Variants in COPZ1 observed in about 807,000 individuals in gnomAD.
COPZ1 encodes the protein coat protein complex I subunit zeta 1.
A neutral mutation model predicts 31.7 loss-of-function variants in COPZ1; 4 were observed. The observed-to-expected ratio is 0.13, with a 90% CI of 0.06 to 0.29. The LOEUF (loss-of-function observed/expected upper bound fraction) is 0.29. Ranked by LOEUF, COPZ1 falls within the 10% of genes least tolerant of loss-of-function variation. COPZ1 has a pLI of 1.00. For missense variants in COPZ1, 156 were observed against 211.5 expected (o/e 0.74, Z 1.63); for synonymous variants, 74 against 79.0 (o/e 0.94, Z 0.33).
At chr12:54,325,984 ATT>A (rs1281479427) in intron 1 of COPZ1, among the ~76,000 whole-genome samples, 1 of 146,484 alleles carries the variant, frequency 6.8e-6, no homozygotes, top group Non-Finnish European at 1.5e-5. Flanking sequence ...ACGCCCGGCT[ATT>A]TTTTTTGTAT....
chr12:54,337,155 A>G (rs1301356627), intron 1 of COPZ1: 2 of 532,316 alleles, frequency 3.8e-6, no homozygotes, highest in Non-Finnish European at 7.7e-6. Flanking sequence ...AAACATAAAT[A>G]CATGAAAATC....
chr12:54,346,636 A>T, intron 5 of COPZ1: 1 of 701,782 alleles, frequency 1.4e-6, no homozygotes, highest in Non-Finnish European at 2.6e-6. Flanking sequence ...AGGCAGGAGG[A>T]CTGCATGAGT....
intron 1 of COPZ1, among the ~76,000 whole-genome samples, chr12:54,334,545 G>A (rs927392902): frequency 1.3e-5 from 2 of 151,642 alleles, no homozygotes; most frequent in Non-Finnish European, 2.9e-5. Flanking sequence ...CCCCAGAGGA[G>A]CTTTTAATTT....
At chr12:54,327,835 T>A (rs1178256926) in intron 1 of COPZ1, among the ~76,000 whole-genome samples, 4 of 152,184 alleles carry the variant, frequency 2.6e-5, no homozygotes, top group Non-Finnish European at 4.4e-5. Context: ...GGGAATTGGT[T>A]TTTTTGGAAG....
At chr12:54,342,181 C>A (rs971447854) in intron 2 of COPZ1, 25 bp from the exon 3 acceptor site, 2 of 1,574,802 alleles carry the variant, frequency 1.3e-6, no homozygotes, top group Admixed American at 1.7e-5. Context: ...AGTGACCCAA[C>A]CCTGTCTTCT....
At chr12:54,343,434 A>C in intron 4 of COPZ1, 118 bp downstream of exon 4, 1 of 807,286 alleles carries the variant, frequency 1.2e-6, no homozygotes, top group South Asian at 1.6e-5. Context: ...TGACCAAGCT[A>C]ATGAAGTTGT....
intron 8 of COPZ1, chr12:54,350,183 C>G (rs952314303): frequency 1.7e-4 from 116 of 684,892 alleles, no homozygotes; most frequent in Non-Finnish European, 1.7e-4. Context: ...TTACCCGCCC[C>G]CTGCCCGCCG....
chr12:54,349,872 T>A, intron 8 of COPZ1: 1 of 632,562 alleles, frequency 1.6e-6, no homozygotes, highest in East Asian at 2.7e-5. Context: ...GCAGTGGCTG[T>A]CAGCCTTGCT....
chr12:54,325,239 G>T lies in COPZ1; in HGVS notation c.18+58G>T, dbSNP rs113419057. On this transcript the variant is annotated intron_variant, in intron 1 of 8. Coordinates refer to ENST00000262061, the MANE Select transcript of COPZ1 (RefSeq NM_016057.3). ...GTGTCCACAGGGGCCGGGAGTCAGG[G>T]TTCAGCCCGAGTGGGAGACGGGGAA... 44 of 1,536,534 alleles carry T rather than the reference G, an allele frequency of 2.9e-5. No individual in the cohort carries two copies. The African/African-American group carries it at 4.6e-4, about 16-fold the overall frequency.
chr12:54,338,536 G>C (rs1268114219), intron 1 of COPZ1, among the ~76,000 whole-genome samples: 8 of 152,188 alleles, frequency 5.3e-5, no homozygotes, highest in South Asian at 2.1e-4. Flanking sequence ...GTGTTTATCA[G>C]AGGAGGGATA....
intron 1 of COPZ1, among the ~76,000 whole-genome samples, chr12:54,339,902 TG>T (rs1232989544): frequency 6.6e-6 from 1 of 151,922 alleles, no homozygotes; most frequent in Non-Finnish European, 1.5e-5. Context: ...TAAGGTATAG[TG>T]GAAGAATTGG....
intron 1 of COPZ1, among the ~76,000 whole-genome samples, chr12:54,330,056 C>T (rs548633906): frequency 2.0e-5 from 3 of 152,266 alleles, no homozygotes; most frequent in East Asian, 1.9e-4. Flanking sequence ...CTCCCAGCTG[C>T]GTCCTTGCTG....
intron 1 of COPZ1, among the ~76,000 whole-genome samples, chr12:54,330,465 T>C (rs188708610): frequency 6.6e-6 from 1 of 152,294 alleles, no homozygotes; most frequent in African/African-American, 2.4e-5. Flanking sequence ...CGTATTTATA[T>C]ATATTTTTTC....
chr12:54,340,637 G>A, intron 2 of COPZ1, 22 bp downstream of exon 2: 1 of 1,610,994 alleles, frequency 6.2e-7, no homozygotes, highest in Non-Finnish European at 8.5e-7. Flanking sequence ...TTTCGAATTA[G>A]TTTAGGAACA....
At chr12:54,346,584 T>G (rs1954067934) in intron 5 of COPZ1, 2 of 701,030 alleles carry the variant, frequency 2.9e-6, no homozygotes, top group Non-Finnish European at 5.2e-6. Context: ...TTTTTTGACT[T>G]CTAGTCCTTG....
At chr12:54,344,190 C>T (rs1170287566) in intron 4 of COPZ1, among the ~76,000 whole-genome samples, 3 of 152,232 alleles carry the variant, frequency 2.0e-5, no homozygotes, top group Non-Finnish European at 4.4e-5. Context: ...GTGGCTCACA[C>T]CTGTAATCCC....
chr12:54,341,440 G>A (rs1394699270), intron 2 of COPZ1, among the ~76,000 whole-genome samples: 4 of 152,162 alleles, frequency 2.6e-5, no homozygotes, highest in African/African-American at 9.7e-5. Flanking sequence ...AACTCCGGGC[G>A]AGCGTAGCAT....
intron 1 of COPZ1, among the ~76,000 whole-genome samples, chr12:54,328,090 T>C (rs969075408): frequency 6.7e-6 from 1 of 149,802 alleles, no homozygotes; most frequent in African/African-American, 2.5e-5. Context: ...CTGGCCAACA[T>C]GGTGAAACCA....
At chr12:54,338,253 C>T (rs1953906876) in intron 1 of COPZ1, among the ~76,000 whole-genome samples, 1 of 152,210 alleles carries the variant, frequency 6.6e-6, no homozygotes, top group South Asian at 2.1e-4. Flanking sequence ...TCCTTTTGGA[C>T]TTCTTTTCTT....
Sources: allele counts gnomAD v4.1 joint callset (sites outside exome capture counted in the v4.1 genomes callset), GRCh38; gene constraint gnomAD v4.1.1; transcripts MANE v1.5; gene names NCBI Gene and HGNC (gene_info 2026-07-23, HGNC 2026-07-21).